CROCC2: variants seen among roughly 807,000 people sequenced by gnomAD.
CROCC2 encodes the protein ciliary rootlet coiled-coil protein 2.
CROCC2 carries 163 observed loss-of-function variants against 177.6 expected under a neutral mutation model. That is an observed-to-expected ratio of 0.92 (90% CI 0.81 to 1.05). CROCC2 has a LOEUF of 1.05. CROCC2 is among the 50% of genes least tolerant of loss of function. The pLI, the probability that CROCC2 is intolerant of heterozygous loss-of-function variation, is 0.00. For synonymous variants in CROCC2, 904 were observed against 787.3 expected (o/e 1.15, Z -2.48); for missense variants, 1,929 against 1,797.8 (o/e 1.07, Z -1.32).
chr2:240,993,012 C>T, intron 31 of CROCC2, 54 bp from the exon 32 acceptor site: 1 of 713,104 alleles, frequency 1.4e-6, no homozygotes, highest in Non-Finnish European at 2.6e-6. Context: ...AGCAGGAGCC[C>T]CCATGTGTCC....
At chr2:240,946,367 G>A (rs1574767954) in intron 15 of CROCC2, 114 bp downstream of exon 15, 35 of 1,093,180 alleles carry the variant, frequency 3.2e-5, no homozygotes, top group South Asian at 4.0e-5. Context: ...GGGAGGGAGC[G>A]TGTGCCCATG....
At chr2:240,938,526 G>A (rs947023371) in intron 14 of CROCC2, among the ~76,000 whole-genome samples, 2 of 152,148 alleles carry the variant, frequency 1.3e-5, no homozygotes, top group East Asian at 1.9e-4. Flanking sequence ...TTTCAAGATC[G>A]TTTTGGCTGT....
intron 19 of CROCC2, 74 bp downstream of exon 19, chr2:240,956,046 C>T: frequency 8.9e-7 from 1 of 1,117,380 alleles, no homozygotes; most frequent in Non-Finnish European, 1.3e-6. Context: ...ACCCCTCCTG[C>T]CTGGTCCCAG....
At chr2:240,907,020 G>T (rs1418159166) in intron 1 of CROCC2, among the ~76,000 whole-genome samples, 2 of 151,992 alleles carry the variant, frequency 1.3e-5, no homozygotes, top group African/African-American at 4.8e-5. Flanking sequence ...CAGGTGACTG[G>T]CGTCCCTGGC....
chr2:240,984,115 C>T (rs2059820178), intron 28 of CROCC2, among the ~76,000 whole-genome samples: 1 of 152,180 alleles, frequency 6.6e-6, no homozygotes, highest in Non-Finnish European at 1.5e-5. Context: ...CTGTCATCCC[C>T]CGGCCTCCCC....
rs975459874 is a variant in CROCC2 at position 240,959,175 on chromosome 2, C to T, written c.2944-126C>T. 9 of 1,136,110 alleles carry T rather than the reference C, an allele frequency of 7.9e-6. No individual in the cohort carries two copies. The African/African-American group carries it at 1.3e-4, about 16-fold the overall frequency. The allele number at this position is 1,136,110 out of a possible 1,614,324, so 70.4% of individuals were successfully genotyped here. A position where few individuals can be genotyped will look rare whatever the true frequency, so the allele number is the denominator to read the frequency against. ...CCAGTTACCCCGGGGCTTGCACGATCAGCAGGACCCGGCTCCCCCTCCCAG... is the reference window on the plus strand; with the variant it reads ...CCAGTTACCCCGGGGCTTGCACGATTAGCAGGACCCGGCTCCCCCTCCCAG... On this transcript the variant is annotated intron_variant, in intron 19 of 31. Transcript: ENST00000690015.
rs1001319339 is a variant in CROCC2, at chr2:240,966,817, A to C, written c.4146+408A>C. 2.0e-5 allele frequency among the ~76,000 whole-genome samples: 3 copies of C among 152,010 alleles called. No individual in the cohort carries two copies. The South Asian group carries it at 6.2e-4, about 31-fold the overall frequency. On this transcript the variant is annotated intron_variant, in intron 25 of 31. Transcript: ENST00000690015. ...GGCTGCTCCTGGCTTCAGGGCTCCC[A>C]CAGAACCACCCGTGAGCGGCCCCCT... is the stretch of plus-strand genomic sequence containing the variant.
chr2:240,949,755 G>C lies in CROCC2; in HGVS notation c.2652+53G>C. 6.7e-7 allele frequency: 1 copy of C among 1,481,886 alleles called. No individual in the cohort carries two copies. The highest frequency in any genetic ancestry group is 1.3e-5 in the South Asian group (1 of 77,704). 91.8% of individuals were successfully genotyped at this position (1,481,886 alleles called of 1,614,324 possible). On this transcript the variant is annotated intron_variant, in intron 17 of 31. Coordinates refer to ENST00000690015, the MANE Select transcript of CROCC2 (RefSeq NM_001351305.2). This position sits in a 1 kb window ranked among gnomAD's most constrained non-coding sequence, Gnocchi z 4.5. The stretch of plus-strand genomic sequence containing the variant: ...CTTCCTAGAAGGCTACCAGGTCCCG[G>C]GGAATGGCAGGCCCTTGGGAGGAGG...
intron 14 of CROCC2, among the ~76,000 whole-genome samples, chr2:240,939,490 T>C (rs532378670): frequency 2.5e-5 from 2 of 79,608 alleles, no homozygotes; most frequent in East Asian, 6.6e-4. Context: ...GAATCAGAGT[T>C]GTGCTCCTAA....
Position 240,965,501 on chromosome 2 carries a change from G to A in CROCC2, c.3586G>A (p.Glu1196Lys), listed in dbSNP as rs544189485. 1.7e-5 allele frequency: 27 copies of A among 1,550,156 alleles called. No homozygotes were observed. The highest frequency in any genetic ancestry group is 1.1e-4 in the African/African-American group (8 of 73,058). Residue 1196 changes from glutamate to lysine, a missense_variant, in exon 23 of 32, where the codon GAG becomes AAG. Around this residue, in one of 3 missense-constraint regions of CROCC2, gnomAD observed 144 missense variants for 205.2 expected, o/e 0.70. Transcript: ENST00000690015. ...GGCAGCCAAGGCAGAGGCCAAGCAC[G>A]AGGGTGCCCGGAAGGAGGTGGGAGG... is the stretch of plus-strand genomic sequence containing the variant. ...RQAAKAEAKH[E>K]GARKEVLGLQ...
chr2:240,985,775 TCAGCACACACCCAGGCACC>T (rs1553545187), intron 28 of CROCC2: 3 of 260,586 alleles, frequency 1.2e-5, no homozygotes, highest in African/African-American at 7.7e-5. Context: ...ACCCAGGCAC[TCAGCACACACCCAGGCACC>T]CACTCCACAC....
chr2:240,946,063 A>G lies in CROCC2; in HGVS notation c.2173A>G (p.Thr725Ala). 1 of 1,509,910 alleles carries G rather than the reference A, an allele frequency of 6.6e-7. No homozygotes were observed. Among genetic ancestry groups the G allele is most frequent in the Non-Finnish European group, 9.0e-7 (1 of 1,116,880 alleles). 93.5% of individuals were successfully genotyped at this position (1,509,910 alleles called of 1,614,324 possible). Residue 725 changes from threonine (T) to alanine (A), a missense_variant, in exon 15 of 32, where the codon ACA (threonine) becomes GCA (alanine). Physicochemically the swap from Thr to Ala is moderately conservative, Grantham distance 58. Around this residue, in one of 3 missense-constraint regions of CROCC2, gnomAD observed 1,397 missense variants for 1,239.9 expected, o/e 1.13. Coordinates refer to ENST00000690015, the MANE Select transcript of CROCC2 (RefSeq NM_001351305.2). ...GTCCCCTCCCCACCTCCCCTAGGTC[A>G]CATGCCAGAAACAGGCCCTGGAGGA... ...AQLQEQVGQV[T>A]CQKQALEEQL...
chr2:240,910,172 C>T (rs888410174), intron 1 of CROCC2, among the ~76,000 whole-genome samples: 12 of 152,120 alleles, frequency 7.9e-5, no homozygotes, highest in Admixed American at 3.9e-4. Flanking sequence ...GTGAGCAAGT[C>T]GGACTTGGGG....
chr2:240,914,401 T>C (rs1381730937), intron 1 of CROCC2, among the ~76,000 whole-genome samples: 1 of 152,216 alleles, frequency 6.6e-6, no homozygotes, highest in African/African-American at 2.4e-5. Context: ...GGGCCGATGC[T>C]GGCGCGCGCC....
chr2:240,951,300 TATCC>T (rs1297966425), intron 18 of CROCC2, among the ~76,000 whole-genome samples: 1 of 150,086 alleles, frequency 6.7e-6, no homozygotes, highest in African/African-American at 2.5e-5. Flanking sequence ...TCCATCCATT[TATCC>T]ATCCATCCAT....
chr2:240,943,279 A>T, intron 14 of CROCC2, among the ~76,000 whole-genome samples: 1 of 152,020 alleles, frequency 6.6e-6, no homozygotes, highest in East Asian at 1.9e-4. Flanking sequence ...AAGTGCTGGG[A>T]TTTTGCGCTC....
chr2:240,967,702 C>A (rs2059692477), intron 26 of CROCC2: 5 of 503,878 alleles, frequency 9.9e-6, no homozygotes, highest in Non-Finnish European at 1.3e-5. Flanking sequence ...CCATCAGGGC[C>A]CTCCCGATCC....
At chr2:240,930,887 A>G in intron 6 of CROCC2, 44 bp from the exon 7 acceptor site, 1 of 664,378 alleles carries the variant, frequency 1.5e-6, no homozygotes, top group Non-Finnish European at 2.8e-6. Context: ...CTCCCTCTGC[A>G]GATGGGTCCT....
At chr2:240,919,092 G>A (rs13034838) in intron 2 of CROCC2, among the ~76,000 whole-genome samples, 8 of 68,916 alleles carry the variant, frequency 1.2e-4, no homozygotes, top group East Asian at 6.4e-4. Flanking sequence ...GCAAGGTGAT[G>A]GCGTGGGGGA....
Sources: allele counts gnomAD v4.1 joint callset (sites outside exome capture counted in the v4.1 genomes callset), GRCh38; gene constraint gnomAD v4.1.1; regional missense constraint gnomAD v4.1.1; non-coding constraint Gnocchi (gnomAD v3.1); transcripts MANE v1.5; gene names NCBI Gene and HGNC (gene_info 2026-07-23, HGNC 2026-07-21).